The following NTN1 variants were observed in gnomAD, a reference collection of about 807,000 sequenced individuals.
NTN1 encodes the protein netrin-1.
A neutral mutation model predicts 54.2 loss-of-function variants in NTN1; 11 were observed. The observed-to-expected ratio is 0.20, with a 90% CI of 0.13 to 0.34. The LOEUF (loss-of-function observed/expected upper bound fraction) is 0.34. Among genes scored for constraint, NTN1 ranks in the 10% least tolerant of loss-of-function variants. The pLI, the probability that NTN1 is intolerant of heterozygous loss-of-function variation, is 1.00. For missense variants in NTN1, 740 were observed against 893.1 expected (o/e 0.83, Z 2.18); for synonymous variants, 371 against 382.0 (o/e 0.97, Z 0.33).
rs938720471 is a variant in NTN1 at position 9,243,381 on chromosome 17, G to A, written c.*3413G>A. 1 of 152,212 alleles carries A rather than the reference G, an allele frequency of 6.6e-6. No individual in the cohort carries two copies. The highest frequency in any genetic ancestry group is 1.5e-5 in the Non-Finnish European group (1 of 68,068). 9.4% of individuals were successfully genotyped at this position (152,212 alleles called of 1,614,324 possible). On this transcript the variant is annotated 3_prime_UTR_variant, in exon 7 of 7. Transcript: ENST00000173229. ...GGTACGGACTTACTTTCTTGGAGTTGTCCCAGGTTGGAATGAGACTGAACT... is the reference window on the plus strand; with the variant it reads ...GGTACGGACTTACTTTCTTGGAGTTATCCCAGGTTGGAATGAGACTGAACT...
At chr17:9,171,113 A>C (rs1309151479) in intron 3 of NTN1, 1 of 152,250 alleles carries the variant, frequency 6.6e-6, no homozygotes, top group Non-Finnish European at 1.5e-5. Context: ...CCTCGTTAGC[A>C]ACTGCTGGGG....
chr17:9,019,062 C>G (rs2091837935), upstream of NTN1, among the ~76,000 whole-genome samples: 1 of 152,190 alleles, frequency 6.6e-6, no homozygotes, highest in Non-Finnish European at 1.5e-5. Flanking sequence ...CTCATTTTAG[C>G]TGCAGGAAAG....
chr17:9,187,114 T>TA (rs1158703476), intron 5 of NTN1, among the ~76,000 whole-genome samples: 3 of 152,118 alleles, frequency 2.0e-5, no homozygotes, highest in Admixed American at 1.3e-4. Flanking sequence ...AGTTCTTGAT[T>TA]AAAAAAACAA....
intron 2 of NTN1, among the ~76,000 whole-genome samples, chr17:9,125,430 G>A (rs945833437): frequency 1.9e-4 from 29 of 151,918 alleles, no homozygotes; most frequent in African/African-American, 6.8e-4. Flanking sequence ...GTTTCACCAT[G>A]TTGGGCAGGC....
intron 2 of NTN1, among the ~76,000 whole-genome samples, chr17:9,145,208 C>T (rs1229824690): frequency 1.3e-5 from 2 of 152,234 alleles, no homozygotes; most frequent in Non-Finnish European, 2.9e-5. Flanking sequence ...ACATCCACAG[C>T]AGCCAGGAGC....
At chr17:9,077,630 C>T (rs1436928498) in intron 2 of NTN1, among the ~76,000 whole-genome samples, 2 of 152,162 alleles carry the variant, frequency 1.3e-5, no homozygotes, top group Non-Finnish European at 2.9e-5. Context: ...AAGTACACTT[C>T]TGTTAGAAAC....
At chr17:9,134,512 CT>C (rs2092275254) in intron 2 of NTN1, among the ~76,000 whole-genome samples, 1 of 152,238 alleles carries the variant, frequency 6.6e-6, no homozygotes, top group African/African-American at 2.4e-5. Flanking sequence ...AACAGAACTA[CT>C]CACGTCAGGG....
chr17:9,145,218 C>A (rs1033554985), intron 2 of NTN1, among the ~76,000 whole-genome samples: 3 of 152,192 alleles, frequency 2.0e-5, no homozygotes, highest in African/African-American at 7.2e-5. Context: ...CAGCCAGGAG[C>A]ACCAGGGCCA....
chr17:9,005,317 A>G, the NTN1 span, among the ~76,000 whole-genome samples: 3 of 152,164 alleles, frequency 2.0e-5, no homozygotes, highest in African/African-American at 7.2e-5. Context: ...GCCTAAAGTG[A>G]CTTGCAGTTG....
chr17:9,203,564 T>G (rs1185268392), intron 5 of NTN1, among the ~76,000 whole-genome samples: 2 of 151,954 alleles, frequency 1.3e-5, no homozygotes, highest in South Asian at 4.2e-4. Flanking sequence ...TTTGGGAGGC[T>G]GGGGCGGGCA....
At chr17:9,220,384 C>T (rs1187367161) in intron 5 of NTN1, among the ~76,000 whole-genome samples, 2 of 152,310 alleles carry the variant, frequency 1.3e-5, no homozygotes, top group East Asian at 1.9e-4. Context: ...ACAGACTTGG[C>T]GAAGGAATTG....
chr17:9,063,211 C>G (rs9915957), intron 2 of NTN1, among the ~76,000 whole-genome samples: 113,326 of 151,750 alleles, frequency 0.75, 42,598 homozygotes, highest in East Asian at 1. Flanking sequence ...ATTATCCTGC[C>G]TCAGCCTCCT....
At position 9,022,957 on chromosome 17, in the gene NTN1, A is replaced by G. The variant is rs1248692227; in HGVS notation, c.584A>G (p.Lys195Arg). ...YNRPHRAPIT[K>R]QNEQEAVCTD... ...CGGCCGCACCGCGCGCCCATCACCA[A>G]GCAGAACGAGCAGGAGGCCGTGTGC... Residue 195 changes from lysine (K) to arginine (R), a missense_variant, in exon 2 of 7, where the codon AAG becomes AGG. Transcript: ENST00000173229. 6.2e-7 allele frequency: 1 copy of G among 1,611,226 alleles called. No individual in the cohort carries two copies. The highest frequency in any genetic ancestry group is 1.7e-5 in the Admixed American group (1 of 59,878).
In NTN1 at chr17:9,217,854, CAA is replaced by C. The variant is rs11354107; in HGVS notation, c.1412-3293_1412-3292del. On this transcript the variant is annotated intron_variant, in intron 5 of 6. Coordinates refer to ENST00000173229, the MANE Select transcript of NTN1 (RefSeq NM_004822.3). ...TCCAGCTGACAGAAAGGAAAGACAC[CAA>C]AAAAAAAAAAAAAAAAAAAAGCAAA... Among the ~76,000 whole-genome samples, 806 of 95,734 alleles carry C rather than the reference CAA, an allele frequency of 8.4e-3. 8 individuals carry two copies. The highest frequency in any genetic ancestry group is 0.026 in the African/African-American group (597 of 22,814). The allele number at this position is 95,734 out of a possible 152,430, so 62.8% of individuals were successfully genotyped here.
At chr17:9,227,479 TAGC>T (rs2142364865) in intron 6 of NTN1, among the ~76,000 whole-genome samples, 1 of 127,622 alleles carries the variant, frequency 7.8e-6, no homozygotes, top group South Asian at 2.6e-4. Flanking sequence ...GTCACACACA[TAGC>T]ACACACACAT....
chr17:9,085,229 C>T (rs2092086394), intron 2 of NTN1, among the ~76,000 whole-genome samples: 1 of 152,188 alleles, frequency 6.6e-6, no homozygotes, highest in Non-Finnish European at 1.5e-5. Context: ...TCATCCAGAG[C>T]AGAACCCAGC....
At chr17:9,010,755 G>A in the NTN1 span, among the ~76,000 whole-genome samples, 2 of 152,142 alleles carry the variant, frequency 1.3e-5, no homozygotes, top group Non-Finnish European at 2.9e-5. Context: ...GGGCTGTAGG[G>A]CAGCGGTCCT....
At chr17:9,058,241 T>C (rs1212407431) in intron 2 of NTN1, among the ~76,000 whole-genome samples, 1 of 152,202 alleles carries the variant, frequency 6.6e-6, no homozygotes, top group East Asian at 1.9e-4. Context: ...TGGTTTTTGG[T>C]TACATGGATG....
intron 2 of NTN1, among the ~76,000 whole-genome samples, chr17:9,115,799 G>T (rs534240571): frequency 6.6e-6 from 1 of 152,368 alleles, no homozygotes; most frequent in South Asian, 2.1e-4. Flanking sequence ...GGGCTTGCTG[G>T]TCTTGGCCGG....
Sources: allele counts gnomAD v4.1 joint callset (sites outside exome capture counted in the v4.1 genomes callset), GRCh38; gene constraint gnomAD v4.1.1; transcripts MANE v1.5; gene names NCBI Gene and HGNC (gene_info 2026-07-23, HGNC 2026-07-21).